THSD7B: variants seen among roughly 807,000 people sequenced by gnomAD.
THSD7B encodes the protein thrombospondin type 1 domain containing 7B, also known as thrombospondin type-1 domain-containing protein 7B.
A neutral mutation model predicts 213.6 loss-of-function variants in THSD7B; 138 were observed. The ratio of observed to expected loss-of-function variants is 0.65; its 90% CI spans 0.56 to 0.74. The LOEUF (loss-of-function observed/expected upper bound fraction) is 0.74. THSD7B is among the 30% of genes least tolerant of loss of function. The pLI is 0.00. For missense variants in THSD7B, 1,931 were observed against 1,991.5 expected, an observed-to-expected ratio of 0.97 and a Z score of 0.58; for synonymous variants, 742 against 687.0, an observed-to-expected ratio of 1.08 and a Z score of -1.25.
intron 12 of THSD7B, among the ~76,000 whole-genome samples, chr2:137,396,993 C>CT (rs1460338240): frequency 7.2e-6 from 1 of 139,560 alleles, no homozygotes; most frequent in Non-Finnish European, 1.6e-5. Flanking sequence ...CAACCCCTGC[C>CT]TTTTTTTGTT....
chr2:137,076,392 G>A (rs1687623500), intron 3 of THSD7B, among the ~76,000 whole-genome samples: 1 of 152,260 alleles, frequency 6.6e-6, no homozygotes, highest in Admixed American at 6.5e-5. Context: ...TCCGAGCCAT[G>A]TGAGGGATAT....
chr2:137,451,000 C>T lies in THSD7B; in HGVS notation c.3115C>T (p.Pro1039Ser). The T allele has an allele frequency of 6.2e-7, 1 of 1,601,684 alleles. No homozygotes were observed. ...ACCTTACAATGGAGGACGACCATGT[C>T]CCAAACTGGATCTCAAGAATCAGGT... Reference protein sequence around the residue: ...EKPYNGGRPCPKLDLKNQVHE... With the variant: ...EKPYNGGRPCSKLDLKNQVHE... Residue 1039 changes from proline to serine, a missense_variant, in exon 15 of 28, where the codon CCC (proline) becomes TCC (serine). Coordinates refer to ENST00000409968, the MANE Select transcript of THSD7B (RefSeq NM_001316349.2).
At chr2:137,616,088 C>T (rs2104838020) in intron 17 of THSD7B, 87 bp from the exon 18 acceptor site, 2 of 1,345,810 alleles carry the variant, frequency 1.5e-6, no homozygotes, top group East Asian at 2.4e-5. Flanking sequence ...TATATTGTTA[C>T]ATATGTGCCT....
intron 2 of THSD7B, among the ~76,000 whole-genome samples, chr2:136,957,414 T>A (rs1264652528): frequency 6.7e-6 from 1 of 149,790 alleles, no homozygotes; most frequent in Non-Finnish European, 1.5e-5. Context: ...TTTAGCCTTT[T>A]CAGTTGCATG....
Position 136,775,565 on chromosome 2 carries a change from C to T in THSD7B, c.-36+9878C>T, listed in dbSNP as rs544283998. ...TCAGGGGATAAAGAACCTTATCATT[C>T]AGTCACACTAAGTGATCTTTGGAAG... is the stretch of plus-strand genomic sequence containing the variant. On this transcript the variant is annotated intron_variant, in intron 1 of 27. Coordinates refer to ENST00000409968, the MANE Select transcript of THSD7B (RefSeq NM_001316349.2). Among the ~76,000 whole-genome samples the T allele has an allele frequency of 9.2e-5, 14 of 152,218 alleles. 1 individual carries two copies. In the South Asian group the frequency reaches 2.7e-3, roughly 29 times the overall value.
In THSD7B at chr2:137,273,172, TG is replaced by T. The variant is rs113860139; in HGVS notation, c.2396+512del. Among the ~76,000 whole-genome samples the T allele has an allele frequency of 9.0e-3, 1,377 of 152,196 alleles. 23 individuals are homozygous for T. Among genetic ancestry groups the T allele is most frequent in the African/African-American group, 0.032 (1,315 of 41,522 alleles). On this transcript the variant is annotated intron_variant, in intron 11 of 27. Transcript: ENST00000409968. Reference sequence around the variant, plus strand: ...TTGTTTATTTTAATTAAAAATTTTTTGGTTCTCAATTTTTGTGATACACAAT... The same window carrying T: ...TTGTTTATTTTAATTAAAAATTTTTTGTTCTCAATTTTTGTGATACACAAT...
chr2:137,409,071 T>C (rs899730617), intron 13 of THSD7B, among the ~76,000 whole-genome samples: 2 of 152,204 alleles, frequency 1.3e-5, no homozygotes, highest in African/African-American at 2.4e-5. Context: ...GCACAAATCA[T>C]ATAGGTCCTT....
chr2:136,843,690 C>T (rs926868945), intron 1 of THSD7B, among the ~76,000 whole-genome samples: 3 of 152,084 alleles, frequency 2.0e-5, no homozygotes, highest in African/African-American at 7.2e-5. Context: ...GATCCATGTG[C>T]AGTCACTTGT....
At chr2:137,393,135 T>C (rs1185667415) in intron 12 of THSD7B, among the ~76,000 whole-genome samples, 1 of 150,488 alleles carries the variant, frequency 6.6e-6, no homozygotes, top group Non-Finnish European at 1.5e-5. Flanking sequence ...GCTGCAGGTT[T>C]TTTCTTCCAG....
chr2:137,143,882 G>C (rs1193120664), intron 5 of THSD7B, among the ~76,000 whole-genome samples: 1 of 151,864 alleles, frequency 6.6e-6, no homozygotes, highest in African/African-American at 2.4e-5. Context: ...CCAATCATCT[G>C]AATTTTTTTG....
intron 17 of THSD7B, among the ~76,000 whole-genome samples, chr2:137,586,833 G>C (rs1681741009): frequency 6.6e-6 from 1 of 152,146 alleles, no homozygotes; most frequent in Non-Finnish European, 1.5e-5. Flanking sequence ...CTCTCCTTGA[G>C]GAATATCTTT....
chr2:137,585,646 G>T (rs1263791388), intron 17 of THSD7B, among the ~76,000 whole-genome samples: 1 of 152,036 alleles, frequency 6.6e-6, no homozygotes, highest in Admixed American at 6.6e-5. Flanking sequence ...TAGTTGAGTG[G>T]TTTTGAGTGA....
At chr2:137,415,669 T>TG (rs1308143584) in intron 14 of THSD7B, among the ~76,000 whole-genome samples, 2 of 131,766 alleles carry the variant, frequency 1.5e-5, no homozygotes, top group Admixed American at 7.1e-5. Flanking sequence ...TCAGTGTTTT[T>TG]TTTTTTTTTT....
intron 17 of THSD7B, among the ~76,000 whole-genome samples, chr2:137,615,421 G>T (rs1405647314): frequency 6.6e-6 from 1 of 152,174 alleles, no homozygotes; most frequent in East Asian, 1.9e-4. Flanking sequence ...AAAGAAGATT[G>T]TTCGAGTAGG....
At chr2:137,052,524 G>T (rs1038184195) in intron 2 of THSD7B, among the ~76,000 whole-genome samples, 2 of 151,772 alleles carry the variant, frequency 1.3e-5, no homozygotes, top group Non-Finnish European at 1.5e-5. Flanking sequence ...GATTATTTGT[G>T]AATACTGTTA....
At chr2:137,441,594 T>C (rs1404134121) in intron 14 of THSD7B, among the ~76,000 whole-genome samples, 1 of 152,058 alleles carries the variant, frequency 6.6e-6, no homozygotes, top group African/African-American at 2.4e-5. Flanking sequence ...ATGGAATAGA[T>C]TAGAAGGAAG....
At chr2:136,852,498 G>C (rs1286251526) in intron 1 of THSD7B, among the ~76,000 whole-genome samples, 3 of 152,146 alleles carry the variant, frequency 2.0e-5, no homozygotes, top group Non-Finnish European at 4.4e-5. Context: ...GGTCTTGTGA[G>C]ACTCAGAGAA....
intron 12 of THSD7B, among the ~76,000 whole-genome samples, chr2:137,305,590 G>A (rs966684758): frequency 6.3e-4 from 96 of 152,224 alleles, no homozygotes; most frequent in African/African-American, 2.3e-3. Context: ...AAAATTGTAG[G>A]CTTAGCTGCT....
intron 1 of THSD7B, among the ~76,000 whole-genome samples, chr2:136,835,794 A>G (rs1383522377): frequency 6.6e-6 from 1 of 152,200 alleles, no homozygotes; most frequent in Non-Finnish European, 1.5e-5. Context: ...TGGCCCAAGA[A>G]GAGAAACTGG....
Sources: allele counts gnomAD v4.1 joint callset (sites outside exome capture counted in the v4.1 genomes callset), GRCh38; gene constraint gnomAD v4.1.1; transcripts MANE v1.5; gene names NCBI Gene and HGNC (gene_info 2026-07-23, HGNC 2026-07-21).